The following ZNF678 variants were observed in gnomAD, a reference collection of about 807,000 sequenced individuals.
ZNF678 encodes the protein hypothetical protein MGC42493.
A neutral mutation model predicts 3.0 loss-of-function variants in ZNF678; 5 were observed. The observed-to-expected ratio is 1.69, with a 90% confidence interval of 0.88 to 3.56. The LOEUF is 3.56. ZNF678 is among the 30% of genes most tolerant of loss of function. The probability of loss-of-function intolerance (pLI) is 0.00; values close to 1 mark genes in which losing one functional copy is unlikely to be tolerated. For synonymous variants in ZNF678, 218 were observed against 199.6 expected, an observed-to-expected ratio of 1.09 and a Z score of -0.78; for missense variants, 593 against 605.0, an observed-to-expected ratio of 0.98 and a Z score of 0.21.
intron 5 of ZNF678, among the ~76,000 whole-genome samples, chr1:227,669,273 AAAGT>A (rs1659559786): frequency 6.6e-6 from 1 of 152,218 alleles, no homozygotes; most frequent in Admixed American, 6.5e-5. Flanking sequence ...GACACTTTTC[AAAGT>A]AAGACATACA....
chr1:227,629,628 C>G (rs1484411017), intron 1 of ZNF678, among the ~76,000 whole-genome samples: 1 of 152,332 alleles, frequency 6.6e-6, no homozygotes. Context: ...TTAAGCATAC[C>G]TGGGGCTCTG....
In ZNF678 at chr1:227,646,601, C is replaced by T. The variant is rs1658964416; in HGVS notation, c.-106C>T. ...ATTCTCTCCAGAGGAGTGGGCATGC[C>T]TGGACCCTGCCCAGCGAAATTTGTA... is the stretch of plus-strand genomic sequence containing the variant. On this transcript the variant is annotated 5_prime_UTR_variant, in exon 2 of 4. Coordinates refer to ENST00000343776, the MANE Select transcript of ZNF678 (RefSeq NM_001367909.1). 4 of 1,372,208 alleles carry T rather than the reference C, an allele frequency of 2.9e-6. No individual in the cohort carries two copies. The African/African-American group carries it at 5.9e-5, about 20-fold the overall frequency. The allele number at this position is 1,372,208 out of a possible 1,614,324, so 85.0% of individuals were successfully genotyped here.
rs1206958860 is a variant in ZNF678 at position 227,651,080 on chromosome 1, A to C, written c.85+4A>C. On this transcript the variant is annotated splice_donor_region_variant and intron_variant, in intron 3 of 3. Transcript: ENST00000343776. The stretch of plus-strand genomic sequence containing the variant: ...TTTTATAAACTGGTTTATACAGGTA[A>C]AGATTTTATCCTATTGGGTCTCCAG... 1 of 1,613,050 alleles carries C rather than the reference A, an allele frequency of 6.2e-7. No homozygotes were observed. The highest frequency in any genetic ancestry group is 1.3e-5 in the African/African-American group (1 of 74,880).
chr1:227,635,964 G>T (rs1658668744), intron 1 of ZNF678, among the ~76,000 whole-genome samples: 1 of 152,168 alleles, frequency 6.6e-6, no homozygotes, highest in African/African-American at 2.4e-5. Context: ...GTGACATGGG[G>T]TGGCGTGGGC....
chr1:227,655,321 C>CT lies in ZNF678; in HGVS notation c.1074dup (p.Thr359TyrfsTer10). 1 of 1,607,446 alleles carries CT rather than the reference C, an allele frequency of 6.2e-7. No homozygotes were observed. The highest frequency in any genetic ancestry group is 8.5e-7 in the Non-Finnish European group (1 of 1,177,230). ...ACAAATGTGAAGAATGTGGCAGAAC[C>CT]TTTACTCAATTCTCAAACCTCACTC... is the stretch of plus-strand genomic sequence containing the variant. On this transcript the variant is annotated frameshift_variant, in exon 4 of 4. Coordinates refer to ENST00000343776, the MANE Select transcript of ZNF678 (RefSeq NM_001367909.1). LOFTEE classifies it low-confidence loss of function (END_TRUNC).
At chr1:227,595,692 C>T (rs1657566141) in intron 1 of ZNF678, among the ~76,000 whole-genome samples, 1 of 152,148 alleles carries the variant, frequency 6.6e-6, no homozygotes, top group South Asian at 2.1e-4. Flanking sequence ...TTGCAGTTTA[C>T]ACCAAACCAA....
At chr1:227,636,976 A>G (rs184877304) in intron 1 of ZNF678, among the ~76,000 whole-genome samples, 4 of 152,320 alleles carry the variant, frequency 2.6e-5, no homozygotes, top group Admixed American at 1.3e-4. Flanking sequence ...TCAGAGCTCA[A>G]GTGAGGGCGA....
chr1:227,678,851 A>T (rs949831437), downstream of ZNF678, among the ~76,000 whole-genome samples: 182 of 152,312 alleles, frequency 1.2e-3, 2 homozygotes, highest in African/African-American at 4.1e-3. Context: ...TCTGATGGTC[A>T]ACTATTAATA....
intron 1 of ZNF678, among the ~76,000 whole-genome samples, chr1:227,603,825 T>G (rs1413935333): frequency 6.6e-6 from 1 of 152,198 alleles, no homozygotes; most frequent in African/African-American, 2.4e-5. Context: ...CCCCAAAACT[T>G]AATGCAATTT....
At chr1:227,650,930 T>A (rs1462575582) in intron 2 of ZNF678, 26 bp from the exon 3 acceptor site, 4 of 1,521,232 alleles carry the variant, frequency 2.6e-6, no homozygotes, top group African/African-American at 2.8e-5. Flanking sequence ...TTTTAAAAAA[T>A]TTTCTTGCCT....
chr1:227,581,507 A>G (rs754853584), intron 1 of ZNF678, among the ~76,000 whole-genome samples: 4 of 152,214 alleles, frequency 2.6e-5, no homozygotes, highest in Non-Finnish European at 5.9e-5. Context: ...AGTTTTGTCT[A>G]TTTATGAACT....
intron 1 of ZNF678, among the ~76,000 whole-genome samples, chr1:227,616,034 A>G (rs577925582): frequency 6.6e-6 from 1 of 152,280 alleles, no homozygotes; most frequent in Admixed American, 6.5e-5. Flanking sequence ...CTGTCTTACC[A>G]TCACAAGGTG....
intron 1 of ZNF678, among the ~76,000 whole-genome samples, chr1:227,592,744 C>T (rs1223981105): frequency 1.3e-5 from 2 of 152,170 alleles, no homozygotes; most frequent in Non-Finnish European, 2.9e-5. Flanking sequence ...GTTGAAAGAC[C>T]TATAAGGGGC....
At chr1:227,634,828 T>C (rs1658633442) in intron 1 of ZNF678, among the ~76,000 whole-genome samples, 1 of 152,190 alleles carries the variant, frequency 6.6e-6, no homozygotes, top group African/African-American at 2.4e-5. Context: ...TGGCTGGCTA[T>C]GGTACCTGCT....
chr1:227,602,171 A>ATTTTT (rs963255157), intron 1 of ZNF678, among the ~76,000 whole-genome samples: 3 of 152,226 alleles, frequency 2.0e-5, no homozygotes, highest in African/African-American at 4.8e-5. Context: ...AAAAACTTAT[A>ATTTTT]TAAAGTTTTC....
intron 5 of ZNF678, among the ~76,000 whole-genome samples, chr1:227,672,465 AG>A (rs1558165033): frequency 6.6e-6 from 1 of 152,072 alleles, no homozygotes; most frequent in Non-Finnish European, 1.5e-5. Flanking sequence ...AGAGGGGCAG[AG>A]GGAATAAATT....
At chr1:227,598,244 C>T (rs555013418) in intron 1 of ZNF678, among the ~76,000 whole-genome samples, 7 of 152,172 alleles carry the variant, frequency 4.6e-5, no homozygotes, top group Non-Finnish European at 4.4e-5. Flanking sequence ...GATGTTCAAG[C>T]GGCAGGCAAC....
intron 1 of ZNF678, among the ~76,000 whole-genome samples, chr1:227,643,644 A>T (rs898575946): frequency 1.3e-5 from 2 of 152,068 alleles, no homozygotes; most frequent in Admixed American, 6.5e-5. Context: ...TGGTGCCTTA[A>T]TTTTTATTTT....
At chr1:227,593,798 C>G (rs928797311) in intron 1 of ZNF678, among the ~76,000 whole-genome samples, 3 of 151,344 alleles carry the variant, frequency 2.0e-5, no homozygotes, top group African/African-American at 4.9e-5. Flanking sequence ...CCCCTGGGAC[C>G]ATGGCCCACA....
Sources: gnomAD v4.1 joint callset for allele counts (sites outside exome capture counted in the v4.1 genomes callset) on GRCh38, gnomAD v4.1.1 for gene constraint, MANE v1.5 for transcripts, NCBI Gene and HGNC (gene_info 2026-07-23, HGNC 2026-07-21) for gene names.